The following ZFHX3 variants were observed in gnomAD, a reference collection of about 807,000 sequenced individuals.
The protein encoded by ZFHX3 is zinc finger homeobox protein 3.
Under a neutral mutation model 279.1 loss-of-function variants are expected in ZFHX3, and 42 were observed. The ratio of observed to expected loss-of-function variants is 0.15; its 90% CI spans 0.12 to 0.19. The LOEUF (loss-of-function observed/expected upper bound fraction) is 0.19. Among genes scored for constraint, ZFHX3 ranks in the 10% least tolerant of loss-of-function variants. ZFHX3 has a pLI of 1.00. For missense variants in ZFHX3, 4,981 were observed against 4,754.0 expected (o/e 1.05, Z -1.40); for synonymous variants, 2,293 against 1,957.8 (o/e 1.17, Z -4.52).
At chr16:72,895,888 G>C (rs1175276612) in intron 3 of ZFHX3, among the ~76,000 whole-genome samples, 1 of 152,190 alleles carries the variant, frequency 6.6e-6, no homozygotes, top group Non-Finnish European at 1.5e-5. Context: ...TAGATAGATA[G>C]ATAGACGGAT....
intron 4 of ZFHX3, among the ~76,000 whole-genome samples, chr16:73,295,670 C>T (rs1182904663): frequency 6.6e-6 from 1 of 152,140 alleles, no homozygotes; most frequent in Non-Finnish European, 1.5e-5. Flanking sequence ...TGCTGTGAAG[C>T]GCCTGATGGA....
At chr16:73,141,918 C>T (rs1378379870) in intron 6 of ZFHX3, among the ~76,000 whole-genome samples, 1 of 152,106 alleles carries the variant, frequency 6.6e-6, no homozygotes, top group Non-Finnish European at 1.5e-5. Flanking sequence ...GGTTTAGGAC[C>T]TGTTTATTTT....
At chr16:73,673,972 A>T (rs1374094397) in intron 2 of ZFHX3, among the ~76,000 whole-genome samples, 1 of 152,210 alleles carries the variant, frequency 6.6e-6, no homozygotes, top group African/African-American at 2.4e-5. Context: ...CAAACAAAGC[A>T]TCTGTGATTG....
intron 7 of ZFHX3, chr16:72,806,968 C>T (rs2036285038): frequency 6.6e-6 from 1 of 152,176 alleles, no homozygotes; most frequent in South Asian, 2.1e-4. Context: ...GCTTCAGGAT[C>T]CCAGTGGTGT....
intron 1 of ZFHX3, among the ~76,000 whole-genome samples, chr16:73,692,044 C>T (rs1051819286): frequency 1.4e-4 from 22 of 152,234 alleles, no homozygotes; most frequent in Admixed American, 9.2e-4. Context: ...TTGACCTTTT[C>T]CTGTTGCAGA....
In ZFHX3 at chr16:72,958,996, C is replaced by T. The variant is rs553932870; in HGVS notation, c.1150G>A (p.Ala384Thr). ...GCCTGGGGCTGCTCGGGGCCAGCGGCGGAGCCCGCTGGGAGAGCTTCCTCC... is the reference window on the plus strand; with the variant it reads ...GCCTGGGGCTGCTCGGGGCCAGCGGTGGAGCCCGCTGGGAGAGCTTCCTCC... The part of the protein sequence containing the change: ...EGEEALPAGS[A>T]AGPEQPQAGL... Residue 384 changes from alanine (A) to threonine (T), a missense_variant, in exon 2 of 10, where the codon GCC becomes ACC. Physicochemically the swap from Ala to Thr is moderately conservative, Grantham distance 58. Around this residue, in one of 7 missense-constraint regions of ZFHX3, gnomAD observed 1,068 missense variants for 935.2 expected, o/e 1.14. Coordinates refer to ENST00000268489, the MANE Select transcript of ZFHX3 (RefSeq NM_006885.4). The T allele has an allele frequency of 1.2e-5, 19 of 1,607,846 alleles. No homozygotes were observed. The African/African-American group carries it at 1.3e-4, about 11-fold the overall frequency.
chr16:73,301,986 C>T (rs966632397), intron 4 of ZFHX3, among the ~76,000 whole-genome samples: 18 of 152,058 alleles, frequency 1.2e-4, no homozygotes, highest in African/African-American at 4.1e-4. Flanking sequence ...CACGCAGGTG[C>T]GCCCCAACCT....
intron 6 of ZFHX3, among the ~76,000 whole-genome samples, chr16:73,142,961 C>T (rs1966851405): frequency 6.6e-6 from 1 of 152,182 alleles, no homozygotes; most frequent in Non-Finnish European, 1.5e-5. Context: ...TTCCATGATT[C>T]TGCCAGGATA....
intron 7 of ZFHX3, among the ~76,000 whole-genome samples, chr16:73,107,962 C>T (rs975507536): frequency 1.3e-5 from 2 of 152,050 alleles, no homozygotes; most frequent in African/African-American, 4.8e-5. Flanking sequence ...GAGATCGAGA[C>T]CATCTTGGCT....
At chr16:73,591,190 A>C (rs2051991313) in intron 2 of ZFHX3, among the ~76,000 whole-genome samples, 1 of 151,792 alleles carries the variant, frequency 6.6e-6, no homozygotes, top group African/African-American at 2.4e-5. Flanking sequence ...GTTTCTACTA[A>C]AAATGCAAAA....
At chr16:73,817,474 A>G (rs1031677619) in intron 1 of ZFHX3, among the ~76,000 whole-genome samples, 2 of 152,164 alleles carry the variant, frequency 1.3e-5, no homozygotes, top group African/African-American at 4.8e-5. Context: ...GAGTTCCTCT[A>G]CCTATTCTCC....
intron 1 of ZFHX3, among the ~76,000 whole-genome samples, chr16:73,684,180 G>A (rs2053054838): frequency 1.3e-5 from 2 of 152,130 alleles, no homozygotes; most frequent in Non-Finnish European, 2.9e-5. Flanking sequence ...TGTAGTCCCA[G>A]CTACTCGAGA....
In ZFHX3 at chr16:73,175,507, A is replaced by T. The variant is rs527821265; in HGVS notation, c.-1103-31676T>A. On this transcript the variant is annotated intron_variant, in intron 5 of 17. Transcript: ENST00000641206. ...CACTAGCCTCATTTTCATCACCAGT[A>T]GAGTGAGGATGTAACAACGCCTGCT... Among the ~76,000 whole-genome samples, 8 of 152,344 alleles carry T rather than the reference A, an allele frequency of 5.3e-5. No homozygotes were observed. In the East Asian group the frequency reaches 1.4e-3, roughly 26 times the overall value.
rs760518066 is a variant in ZFHX3 at position 73,092,952 on chromosome 16, C to G, written c.-533+283G>C. ...GTTGCAGAGAAAAGCCAACCTGTATCCCTTCGTTTATGCTCTGTGTGCCCT... is the reference window on the plus strand; with the variant it reads ...GTTGCAGAGAAAAGCCAACCTGTATGCCTTCGTTTATGCTCTGTGTGCCCT... On this transcript the variant is annotated intron_variant, in intron 8 of 17. Transcript: ENST00000641206. The G allele has an allele frequency of 9.6e-6, 5 of 519,974 alleles. No homozygotes were observed. In the East Asian group the frequency reaches 2.7e-4, roughly 28 times the overall value. The allele number at this position is 519,974 out of a possible 1,614,324, so 32.2% of individuals were successfully genotyped here.
chr16:72,998,314 T>C (rs1328965054), intron 1 of ZFHX3, among the ~76,000 whole-genome samples: 3 of 151,972 alleles, frequency 2.0e-5, no homozygotes, highest in Non-Finnish European at 2.9e-5. Context: ...GGCACAAGAA[T>C]TGCTTGAATC....
chr16:73,509,089 T>C (rs1223569784), intron 2 of ZFHX3, among the ~76,000 whole-genome samples: 1 of 152,224 alleles, frequency 6.6e-6, no homozygotes. Context: ...TTCCAAGGTC[T>C]TCCCTCCTTT....
intron 3 of ZFHX3, among the ~76,000 whole-genome samples, chr16:72,908,314 G>A (rs2039235229): frequency 6.6e-6 from 1 of 152,214 alleles, no homozygotes; most frequent in Non-Finnish European, 1.5e-5. Context: ...ATTGTAAAAG[G>A]AGGAATAGGG....
intron 4 of ZFHX3, among the ~76,000 whole-genome samples, chr16:73,303,979 A>G (rs1233036276): frequency 6.6e-6 from 1 of 150,900 alleles, no homozygotes; most frequent in African/African-American, 2.4e-5. Flanking sequence ...AAAAAAAAAA[A>G]AAAAAAAAAA....
chr16:73,856,996 G>A (rs573216874), intron 1 of ZFHX3, among the ~76,000 whole-genome samples: 37 of 152,176 alleles, frequency 2.4e-4, no homozygotes, highest in African/African-American at 7.5e-4. Context: ...GCCAGAGAGC[G>A]GCACAGACAA....
Sources: allele counts gnomAD v4.1 joint callset (sites outside exome capture counted in the v4.1 genomes callset), GRCh38; gene constraint gnomAD v4.1.1; regional missense constraint gnomAD v4.1.1; transcripts MANE v1.5; gene names NCBI Gene and HGNC (gene_info 2026-07-23, HGNC 2026-07-21).